EFHD1: variants seen among roughly 807,000 people sequenced by gnomAD.
EFHD1 encodes EF-hand domain-containing protein D1.
Under a neutral mutation model 17.2 loss-of-function variants are expected in EFHD1, and 10 were observed. The ratio of observed to expected loss-of-function variants is 0.58; its 90% CI spans 0.36 to 0.99. The LOEUF (loss-of-function observed/expected upper bound fraction) is 0.99. Among genes scored for constraint, EFHD1 ranks in the 50% least tolerant of loss-of-function variants. EFHD1 has a pLI of 0.01. For synonymous variants in EFHD1, 153 were observed against 142.0 expected, an observed-to-expected ratio of 1.08 and a Z score of -0.55; for missense variants, 310 against 327.5, an observed-to-expected ratio of 0.95 and a Z score of 0.41.
intron 2 of EFHD1, among the ~76,000 whole-genome samples, chr2:232,671,827 C>T (rs540402286): frequency 2.6e-5 from 4 of 152,204 alleles, no homozygotes; most frequent in South Asian, 2.1e-4. Context: ...GAGGCCGAGG[C>T]GGACAGATCA....
chr2:232,661,147 C>CA (rs747919733), intron 1 of EFHD1, among the ~76,000 whole-genome samples: 3,635 of 119,798 alleles, frequency 0.03, 145 homozygotes, highest in African/African-American at 0.09. Flanking sequence ...GACTCTGTCT[C>CA]AAAAAAAAAA....
intron 1 of EFHD1, among the ~76,000 whole-genome samples, chr2:232,621,678 C>G (rs35798031): frequency 0.17 from 26,503 of 152,142 alleles, 3,432 homozygotes; most frequent in East Asian, 0.58. Context: ...TCTCGAACTC[C>G]TGACCTCAGG....
intron 1 of EFHD1, among the ~76,000 whole-genome samples, chr2:232,617,093 G>A (rs983840272): frequency 2.6e-5 from 4 of 152,162 alleles, no homozygotes; most frequent in Admixed American, 6.6e-5. Flanking sequence ...CGGGCTCTTC[G>A]GGGCCCATTG....
chr2:232,673,274 G>A (rs1194195286), intron 3 of EFHD1, among the ~76,000 whole-genome samples: 1 of 152,196 alleles, frequency 6.6e-6, no homozygotes, highest in East Asian at 1.9e-4. Context: ...CATCCATTGA[G>A]TATATAACAT....
At chr2:232,658,526 C>T (rs115089078) in intron 1 of EFHD1, among the ~76,000 whole-genome samples, 226 of 152,008 alleles carry the variant, frequency 1.5e-3, no homozygotes, top group African/African-American at 4.8e-3. Flanking sequence ...GGTATATACA[C>T]GAAAAAATGG....
At chr2:232,633,582 G>T (rs1278691221), upstream of EFHD1, 2 of 1,301,386 alleles carry the variant, frequency 1.5e-6, no homozygotes, top group Admixed American at 4.3e-5. Flanking sequence ...CCTCCCAACC[G>T]CCGGGTCCCC....
chr2:232,636,715 C>G (rs1371076387), intron 1 of EFHD1, among the ~76,000 whole-genome samples: 1 of 152,080 alleles, frequency 6.6e-6, no homozygotes, highest in Non-Finnish European at 1.5e-5. Context: ...TCCAGCTACT[C>G]AGGAGGCTGA....
chr2:232,622,110 A>G (rs1408219902), intron 1 of EFHD1, among the ~76,000 whole-genome samples: 1 of 152,178 alleles, frequency 6.6e-6, no homozygotes, highest in African/African-American at 2.4e-5. Flanking sequence ...TTCTCTACAA[A>G]GGGTAGACAG....
chr2:232,635,271 C>A (rs1423702780), intron 1 of EFHD1, among the ~76,000 whole-genome samples: 1 of 152,254 alleles, frequency 6.6e-6, no homozygotes, highest in East Asian at 1.9e-4. Flanking sequence ...GGAAGACTGC[C>A]CTGGCCGGGC....
At chr2:232,662,985 T>C in intron 2 of EFHD1, 36 bp downstream of exon 2, 1 of 1,528,434 alleles carries the variant, frequency 6.5e-7, no homozygotes, top group Non-Finnish European at 8.7e-7. Flanking sequence ...CCCTGTGGGG[T>C]GCCCCTGAGA....
intron 1 of EFHD1, among the ~76,000 whole-genome samples, chr2:232,654,948 C>T (rs757037630): frequency 3.9e-5 from 6 of 152,196 alleles, no homozygotes; most frequent in Non-Finnish European, 5.9e-5. Flanking sequence ...GTCTCCTGTT[C>T]CTGGGCGCTG....
intron 2 of EFHD1, among the ~76,000 whole-genome samples, chr2:232,671,210 G>T (rs1695062639): frequency 6.6e-6 from 1 of 151,960 alleles, no homozygotes; most frequent in South Asian, 2.1e-4. Flanking sequence ...TGAGGCAGGA[G>T]GATCACTTGA....
At chr2:232,658,224 C>T (rs1311387565) in intron 1 of EFHD1, among the ~76,000 whole-genome samples, 1 of 152,092 alleles carries the variant, frequency 6.6e-6, no homozygotes, top group Non-Finnish European at 1.5e-5. Context: ...TTTTTCTTTG[C>T]TATATTTTAT....
intron 2 of EFHD1, among the ~76,000 whole-genome samples, chr2:232,668,957 G>A (rs1304104463): frequency 4.6e-5 from 7 of 152,178 alleles, no homozygotes; most frequent in Admixed American, 1.3e-4. Flanking sequence ...TTTCACAGCT[G>A]CCTGTCTGGG....
rs541555959 is a variant in EFHD1, at chr2:232,671,751, AAAAT to A, written c.451-546_451-543del. ...TCAAAAAATTAAATAAATAAAAAAG[AAAAT>A]AAATAAATAAAAGTTTGAGGGTGGG... is the stretch of plus-strand genomic sequence containing the variant. On this transcript the variant is annotated intron_variant, in intron 2 of 3. Transcript: ENST00000264059. 9.1e-3 allele frequency among the ~76,000 whole-genome samples: 1,354 copies of A among 148,256 alleles called. 19 individuals carry two copies. Among genetic ancestry groups the A allele is most frequent in the African/African-American group, 0.03 (1,223 of 40,202 alleles).
At chr2:232,679,930 TG>T (rs1406295600) in intron 3 of EFHD1, among the ~76,000 whole-genome samples, 2 of 152,046 alleles carry the variant, frequency 1.3e-5, no homozygotes, top group African/African-American at 2.4e-5. Flanking sequence ...ATTGTGGGTG[TG>T]TAAATCGGAG....
intron 1 of EFHD1, among the ~76,000 whole-genome samples, chr2:232,634,796 C>G (rs933067084): frequency 6.6e-6 from 1 of 152,232 alleles, no homozygotes; most frequent in African/African-American, 2.4e-5. Context: ...AGTAACAGTC[C>G]CTGCCTTTTA....
At chr2:232,617,000 G>C (rs566615858) in intron 1 of EFHD1, among the ~76,000 whole-genome samples, 13 of 152,196 alleles carry the variant, frequency 8.5e-5, no homozygotes, top group Non-Finnish European at 1.8e-4. Context: ...GAGTAGGGCT[G>C]GAAGGGCTAG....
chr2:232,622,206 G>A (rs562092535), intron 1 of EFHD1, among the ~76,000 whole-genome samples: 2 of 152,340 alleles, frequency 1.3e-5, no homozygotes, highest in East Asian at 1.9e-4. Flanking sequence ...GGTGGCTTAC[G>A]CCTGTAATCC....
Sources: allele counts gnomAD v4.1 joint callset (sites outside exome capture counted in the v4.1 genomes callset), GRCh38; gene constraint gnomAD v4.1.1; transcripts MANE v1.5; gene names NCBI Gene and HGNC (gene_info 2026-07-23, HGNC 2026-07-21).